The following PKHD1 variants were observed in gnomAD, a reference collection of about 807,000 sequenced individuals.
PKHD1 encodes PKHD1 ciliary IPT domain containing fibrocystin/polyductin.
PKHD1 carries 291 observed loss-of-function variants against 412.0 expected under a neutral mutation model. The ratio of observed to expected loss-of-function variants is 0.71; its 90% confidence interval spans 0.64 to 0.78. PKHD1 has a LOEUF of 0.78. Among genes scored for constraint, PKHD1 ranks in the 30% least tolerant of loss-of-function variants. The pLI, the probability that PKHD1 is intolerant of heterozygous loss-of-function variation, is 0.00. For missense variants in PKHD1, 4,825 were observed against 4,950.7 expected (o/e 0.97, Z 0.76); for synonymous variants, 1,777 against 1,821.5 (o/e 0.98, Z 0.62).
chr6:51,663,353 G>A (rs1281400381), intron 60 of PKHD1, among the ~76,000 whole-genome samples: 1 of 151,956 alleles, frequency 6.6e-6, no homozygotes, highest in African/African-American at 2.4e-5. Flanking sequence ...ATGTCTTAAA[G>A]TGACCTCTAA....
chr6:52,040,796 AC>A (rs746531869), intron 27 of PKHD1, among the ~76,000 whole-genome samples: 23 of 152,200 alleles, frequency 1.5e-4, no homozygotes, highest in Non-Finnish European at 2.4e-4. Flanking sequence ...CAATGACTAT[AC>A]CATCACAACC....
chr6:51,784,024 C>T (rs1160621), intron 53 of PKHD1, among the ~76,000 whole-genome samples: 89,115 of 151,978 alleles, frequency 0.59, 26,881 homozygotes, highest in East Asian at 0.83. Context: ...TATACATTGT[C>T]AGTCATAACA....
chr6:51,797,781 T>C (rs1302112542), intron 52 of PKHD1, among the ~76,000 whole-genome samples: 3 of 152,216 alleles, frequency 2.0e-5, no homozygotes, highest in Non-Finnish European at 4.4e-5. Flanking sequence ...TGTCTTTTAA[T>C]TGGGGCATTT....
rs73739130 is a variant in PKHD1 at position 52,070,746 on chromosome 6, T to A, written c.667+260A>T. On this transcript the variant is annotated intron_variant, in intron 9 of 66. Transcript: ENST00000371117. ...GTTAGATGGAGCACCATTTAAATAT[T>A]GATTTACTGGTAACTAACTTCAATT... Among the ~76,000 whole-genome samples, 1,704 of 152,298 alleles carry A rather than the reference T, an allele frequency of 0.011. 34 individuals carry two copies. Among genetic ancestry groups the A allele is most frequent in the African/African-American group, 0.038 (1,595 of 41,556 alleles).
At chr6:51,828,612 A>G (rs1288010517) in intron 52 of PKHD1, among the ~76,000 whole-genome samples, 1 of 152,132 alleles carries the variant, frequency 6.6e-6, no homozygotes, top group Non-Finnish European at 1.5e-5. Context: ...TATGGATGGG[A>G]GCAATGAGTT....
rs1793746500 is a variant in PKHD1 at position 51,791,512 on chromosome 6, A to T, written c.8303-139T>A. On this transcript the variant is annotated intron_variant, in intron 52 of 66. Transcript: ENST00000371117. ...AGGTATAGCAACTGGAAGAACAAAT[A>T]GTCTGCCAAAAGCTAGGACTTACTG... is the stretch of plus-strand genomic sequence containing the variant. The T allele has an allele frequency of 4.0e-6, 3 of 752,258 alleles. No homozygotes were observed. In the Admixed American group the frequency reaches 6.2e-5, roughly 16 times the overall value. The allele number at this position is 752,258 out of a possible 1,614,324, so 46.6% of individuals were successfully genotyped here.
intron 50 of PKHD1, among the ~76,000 whole-genome samples, chr6:51,847,546 T>C (rs1363437274): frequency 3.3e-5 from 5 of 152,186 alleles, no homozygotes; most frequent in African/African-American, 4.8e-5. Context: ...TACTTCTCTA[T>C]AGAGGAGGAG....
At chr6:51,977,648 T>C (rs1234993556) in intron 35 of PKHD1, among the ~76,000 whole-genome samples, 2 of 152,192 alleles carry the variant, frequency 1.3e-5, no homozygotes, top group Admixed American at 1.3e-4. Flanking sequence ...TTTAGTATAT[T>C]GTAGTATTTT....
intron 36 of PKHD1, among the ~76,000 whole-genome samples, chr6:51,946,230 G>T (rs1789436787): frequency 6.6e-6 from 1 of 152,148 alleles, no homozygotes; most frequent in South Asian, 2.1e-4. Context: ...GCGTTGTCAG[G>T]AGTGTCATAA....
At chr6:51,815,764 T>C (rs1391301365) in intron 52 of PKHD1, among the ~76,000 whole-genome samples, 1 of 152,166 alleles carries the variant, frequency 6.6e-6, no homozygotes, top group Non-Finnish European at 1.5e-5. Context: ...CCTGCTGATT[T>C]TGAAAATTGG....
intron 61 of PKHD1, among the ~76,000 whole-genome samples, chr6:51,653,773 G>A (rs1467972749): frequency 2.0e-5 from 3 of 152,054 alleles, no homozygotes; most frequent in South Asian, 2.1e-4. Flanking sequence ...GTTTAACAGG[G>A]CACAAGGACA....
At chr6:51,772,125 A>G (rs1790245260) in intron 55 of PKHD1, among the ~76,000 whole-genome samples, 1 of 152,060 alleles carries the variant, frequency 6.6e-6, no homozygotes, top group Admixed American at 6.6e-5. Context: ...TGACCCATAG[A>G]TAGCTTTTAA....
intron 52 of PKHD1, among the ~76,000 whole-genome samples, chr6:51,813,774 TAA>T (rs1470949795): frequency 2.6e-5 from 4 of 152,056 alleles, no homozygotes; most frequent in African/African-American, 9.7e-5. Flanking sequence ...GAATTGTGGT[TAA>T]AGTTTTCCTC....
chr6:51,692,757 T>C (rs982227220), intron 60 of PKHD1, among the ~76,000 whole-genome samples: 1 of 152,162 alleles, frequency 6.6e-6, no homozygotes. Context: ...AGTTTTCTTA[T>C]GGTTTTGTTT....
chr6:51,787,115 C>T (rs544410739), intron 53 of PKHD1, among the ~76,000 whole-genome samples: 1 of 152,296 alleles, frequency 6.6e-6, no homozygotes, highest in South Asian at 2.1e-4. Context: ...AATCCCAGCA[C>T]TTTGGGAGGC....
At chr6:52,066,207 T>C (rs1809680739) in intron 11 of PKHD1, 130 bp from the exon 12 acceptor site, 1 of 607,922 alleles carries the variant, frequency 1.6e-6, no homozygotes, top group Non-Finnish European at 2.9e-6. Context: ...AACAGTTGAA[T>C]TTTTTTCTAG....
chr6:51,744,472 G>A lies in PKHD1; in HGVS notation c.10069C>T (p.Leu3357=). The part of the protein sequence containing the change: ...ASPRKYLFKD[L]DGRALGLPPP... ...GGCAGACCCAGGGCTCTCCCATCCA[G>A]ATCCTTGAAGAGATATTTTCTTGGA... is the stretch of plus-strand genomic sequence containing the variant. Residue 3357 remains leucine, a synonymous_variant, in exon 60 of 67, where the codon CTG becomes TTG. Transcript: ENST00000371117. 2 of 1,612,412 alleles carry A rather than the reference G, an allele frequency of 1.2e-6. No individual in the cohort carries two copies. Among genetic ancestry groups the A allele is most frequent in the Non-Finnish European group, 1.7e-6 (2 of 1,178,514 alleles).
intron 60 of PKHD1, among the ~76,000 whole-genome samples, chr6:51,690,817 G>C (rs114643032): frequency 1.3e-5 from 2 of 151,862 alleles, no homozygotes; most frequent in Non-Finnish European, 2.9e-5. Flanking sequence ...TGACAAATGG[G>C]GTATAATTAA....
At chr6:52,050,334 G>A (rs766385293) in intron 21 of PKHD1, 39 bp from the exon 22 acceptor site, 1 of 1,609,414 alleles carries the variant, frequency 6.2e-7, no homozygotes, top group African/African-American at 1.3e-5. Flanking sequence ...AGTGACTTAA[G>A]ATGGTAGACT....
Sources: allele counts gnomAD v4.1 joint callset (sites outside exome capture counted in the v4.1 genomes callset), GRCh38; gene constraint gnomAD v4.1.1; transcripts MANE v1.5; gene names NCBI Gene and HGNC (gene_info 2026-07-23, HGNC 2026-07-21).